Variants in TYW1 observed in about 807,000 individuals in gnomAD.
TYW1 encodes the protein tRNA-yW synthesizing protein 1 homolog.
TYW1 carries 46 observed loss-of-function variants against 96.2 expected under a neutral mutation model. That is an observed-to-expected ratio of 0.48 (90% CI 0.38 to 0.61). TYW1 has a LOEUF of 0.61. Among genes scored for constraint, TYW1 ranks in the 20% least tolerant of loss-of-function variants. The pLI is 0.00. For synonymous variants in TYW1, 274 were observed against 323.0 expected (o/e 0.85, Z 1.63); for missense variants, 684 against 909.6 (o/e 0.75, Z 3.19).
intron 15 of TYW1, among the ~76,000 whole-genome samples, chr7:67,223,606 A>G (rs71563194): frequency 0.23 from 33,692 of 145,440 alleles, 4,433 homozygotes; most frequent in African/African-American, 0.33. Flanking sequence ...TAAGCTAGAC[A>G]GGGAGGGGCT....
intron 12 of TYW1, among the ~76,000 whole-genome samples, chr7:67,099,022 A>T (rs913850870): frequency 7.2e-6 from 1 of 139,096 alleles, no homozygotes; most frequent in African/African-American, 3.0e-5. Context: ...ATTTTATTTT[A>T]TTATTATTAT....
At chr7:67,013,964 C>T (rs940427681) in intron 4 of TYW1, among the ~76,000 whole-genome samples, 5 of 151,810 alleles carry the variant, frequency 3.3e-5, no homozygotes, top group African/African-American at 4.8e-5. Context: ...AGGATGGTCT[C>T]GATCTCCTGA....
At chr7:67,000,578 C>T (rs1212605933) in intron 3 of TYW1, among the ~76,000 whole-genome samples, 18 of 152,102 alleles carry the variant, frequency 1.2e-4, no homozygotes, top group Admixed American at 9.8e-4. Flanking sequence ...GGATTACAGG[C>T]GTGAGGCACC....
In TYW1 at chr7:67,238,436, C is replaced by T; in HGVS notation, c.2106C>T (p.His702=). The T allele has an allele frequency of 6.2e-7, 1 of 1,613,880 alleles. No individual in the cohort carries two copies. Among genetic ancestry groups the T allele is most frequent in the East Asian group, 2.2e-5 (1 of 44,880 alleles). Residue 702 remains histidine (H), a synonymous_variant, in exon 16 of 16, where the codon CAC becomes CAT. Coordinates refer to ENST00000359626, the MANE Select transcript of TYW1 (RefSeq NM_018264.4). ...AGGATTATATGGCCAGAACTCCTCA[C>T]TGGGCATTATTTGGTGCCAGTGAAA... The part of the protein sequence containing the change: ...SAKDYMARTP[H]WALFGASERG...
At chr7:67,090,766 T>C (rs1796690860) in intron 11 of TYW1, among the ~76,000 whole-genome samples, 1 of 152,210 alleles carries the variant, frequency 6.6e-6, no homozygotes, top group Non-Finnish European at 1.5e-5. Context: ...TGAAATGTCC[T>C]GTGTCTCATG....
At chr7:67,114,106 G>A (rs1291384242) in intron 12 of TYW1, among the ~76,000 whole-genome samples, 1 of 152,150 alleles carries the variant, frequency 6.6e-6, no homozygotes, top group East Asian at 1.9e-4. Context: ...CCAGCTCGCT[G>A]AGTGGTAAAT....
intron 10 of TYW1, among the ~76,000 whole-genome samples, chr7:67,073,115 C>A (rs1466285232): frequency 6.6e-6 from 1 of 151,702 alleles, no homozygotes; most frequent in African/African-American, 2.4e-5. Flanking sequence ...TTAGTTATCT[C>A]GAGATGTGGT....
chr7:67,208,082 C>T (rs1208668238), intron 15 of TYW1, among the ~76,000 whole-genome samples: 2 of 152,136 alleles, frequency 1.3e-5, no homozygotes, highest in Admixed American at 6.5e-5. Context: ...AATCCCAGCA[C>T]TTTGGGAGGT....
intron 13 of TYW1, among the ~76,000 whole-genome samples, chr7:67,140,205 T>TC (rs1798403383): frequency 6.6e-6 from 1 of 152,102 alleles, no homozygotes; most frequent in Non-Finnish European, 1.5e-5. Context: ...TCCTACCAGG[T>TC]CCCCCCACAA....
chr7:67,086,473 G>GAGAGAC (rs1796552035), intron 11 of TYW1, among the ~76,000 whole-genome samples: 1 of 152,136 alleles, frequency 6.6e-6, no homozygotes, highest in African/African-American at 2.4e-5. Flanking sequence ...GGGAGAGAGA[G>GAGAGAC]AGAGACAGAA....
chr7:67,149,010 A>ACC lies in TYW1; in HGVS notation c.1698+31396_1698+31397dup, dbSNP rs1331420719. Among the ~76,000 whole-genome samples, 14 of 151,734 alleles carry ACC rather than the reference A, an allele frequency of 9.2e-5. 1 individual carries two copies. The South Asian group carries it at 1.9e-3, about 20-fold the overall frequency. On this transcript the variant is annotated intron_variant, in intron 13 of 15. Transcript: ENST00000359626. ...AAGAAGTCATCGCGCACCACCCCCAACCCCCGGTCTTGACTAAGAGACCAG... is the reference window on the plus strand; with the variant it reads ...AAGAAGTCATCGCGCACCACCCCCAACCCCCCCGGTCTTGACTAAGAGACCAG...
chr7:67,112,189 C>A (rs1797439449), intron 12 of TYW1, among the ~76,000 whole-genome samples: 1 of 151,668 alleles, frequency 6.6e-6, no homozygotes, highest in Admixed American at 6.6e-5. Context: ...TCTTTTACCC[C>A]TTGTGCCCAA....
intron 15 of TYW1, among the ~76,000 whole-genome samples, chr7:67,216,159 T>C (rs1432938359): frequency 2.0e-4 from 30 of 150,836 alleles, no homozygotes; most frequent in Non-Finnish European, 3.4e-4. Flanking sequence ...GAGTGTTTTC[T>C]TTCTTTTCCC....
chr7:67,023,093 AT>A (rs1292035481), intron 6 of TYW1, among the ~76,000 whole-genome samples: 1 of 151,748 alleles, frequency 6.6e-6, no homozygotes, highest in South Asian at 2.1e-4. Context: ...TTTTAATTTA[AT>A]TTTTTTCTTT....
Position 67,083,558 on chromosome 7 carries a change from C to A in TYW1, c.1384+19C>A. ...TTTAAAGGTATTTATCTTCCCTCTA[C>A]AAAGGAATGCTAATACCTGTTAATA... On this transcript the variant is annotated intron_variant, in intron 11 of 15. Transcript: ENST00000359626. The A allele has an allele frequency of 6.2e-7, 1 of 1,612,786 alleles. No individual in the cohort carries two copies. Among genetic ancestry groups the A allele is most frequent in the Middle Eastern group, 1.7e-4 (1 of 6,060 alleles).
intron 10 of TYW1, among the ~76,000 whole-genome samples, chr7:67,075,941 T>C (rs1584530758): frequency 6.6e-6 from 1 of 152,344 alleles, no homozygotes; most frequent in East Asian, 1.9e-4. Flanking sequence ...AGATATCTGC[T>C]AGCTGTAATA....
chr7:67,004,467 AG>A (rs1486500258), intron 3 of TYW1, among the ~76,000 whole-genome samples: 1 of 152,130 alleles, frequency 6.6e-6, no homozygotes, highest in African/African-American at 2.4e-5. Context: ...TGTGCTCGCC[AG>A]CTCCCTTTCA....
intron 3 of TYW1, among the ~76,000 whole-genome samples, chr7:67,007,885 T>G (rs1793657610): frequency 6.6e-6 from 1 of 152,156 alleles, no homozygotes; most frequent in African/African-American, 2.4e-5. Context: ...TCTGTCCGCC[T>G]CGGCTTCCCA....
intron 13 of TYW1, among the ~76,000 whole-genome samples, chr7:67,165,529 C>G (rs4718468): frequency 0.37 from 55,777 of 149,486 alleles, 11,146 homozygotes; most frequent in African/African-American, 0.51. Flanking sequence ...TTCTGATTTT[C>G]TCTATCTTCC....
Sources: gnomAD v4.1 joint callset for allele counts (sites outside exome capture counted in the v4.1 genomes callset) on GRCh38, gnomAD v4.1.1 for gene constraint, MANE v1.5 for transcripts, NCBI Gene and HGNC (gene_info 2026-07-23, HGNC 2026-07-21) for gene names.